The following RCSD1 variants were observed in gnomAD, a reference collection of about 807,000 sequenced individuals.
RCSD1 encodes the protein capZ-interacting protein.
In RCSD1, 26 loss-of-function variants were observed where a neutral mutation model predicts 42.5. The ratio of observed to expected loss-of-function variants is 0.61; its 90% confidence interval spans 0.45 to 0.85. The LOEUF (loss-of-function observed/expected upper bound fraction) is 0.85. Ranked by LOEUF, RCSD1 falls within the 40% of genes least tolerant of loss-of-function variation. The pLI, the probability that RCSD1 is intolerant of heterozygous loss-of-function variation, is 0.00. For missense variants in RCSD1, 571 were observed against 528.3 expected, an observed-to-expected ratio of 1.08 and a Z score of -0.79; for synonymous variants, 220 against 212.2, an observed-to-expected ratio of 1.04 and a Z score of -0.32.
Position 167,697,779 on chromosome 1 carries a change from C to G in RCSD1, c.1155C>G (p.Thr385=). The G allele has an allele frequency of 2.0e-6, 3 of 1,493,232 alleles. No individual in the cohort carries two copies. Among genetic ancestry groups the G allele is most frequent in the Non-Finnish European group, 1.8e-6 (2 of 1,123,876 alleles). The allele number at this position is 1,493,232 out of a possible 1,614,324, so 92.5% of individuals were successfully genotyped here. A position where few individuals can be genotyped will look rare whatever the true frequency, so the allele number is the denominator to read the frequency against. Residue 385 remains threonine (T), a synonymous_variant, in exon 6 of 7, where the codon ACC becomes ACG. Coordinates refer to ENST00000367854, the MANE Select transcript of RCSD1 (RefSeq NM_052862.4). ...TCGAGCCAGGCTGCAGCCCCCAGAC[C>G]GGCCCTGCCCAGCTGGAGACCAGCA... is the stretch of plus-strand genomic sequence containing the variant. ...AVLEPGCSPQ[T]GPAQLETSSE...
intron 1 of RCSD1, 24 bp from the exon 2 acceptor site, chr1:167,683,876 T>G (rs369822217): frequency 6.2e-7 from 1 of 1,609,706 alleles, no homozygotes; most frequent in African/African-American, 1.3e-5. Context: ...GCTGATTAAC[T>G]GTTTCTTCTT....
In RCSD1 at chr1:167,700,499, A is replaced by T. The variant is rs577632294; in HGVS notation, c.1218+2657A>T. 4.6e-5 allele frequency among the ~76,000 whole-genome samples: 7 copies of T among 152,002 alleles called. No individual in the cohort carries two copies. The East Asian group carries it at 1.4e-3, about 29-fold the overall frequency. ...CCGTCTCTACTAAAAATACAAAAAA[A>T]AATTAGCCAGGCGTGGTTGTGGGCG... On this transcript the variant is annotated intron_variant, in intron 6 of 6. Transcript: ENST00000367854.
intron 1 of RCSD1, among the ~76,000 whole-genome samples, chr1:167,635,054 C>A (rs551581651): frequency 6.6e-6 from 1 of 152,198 alleles, no homozygotes; most frequent in South Asian, 2.1e-4. Flanking sequence ...TTTTCTACCA[C>A]ATTTTTTAAA....
chr1:167,681,386 CTGATGG>C (rs1284173441), intron 1 of RCSD1, among the ~76,000 whole-genome samples: 2 of 152,160 alleles, frequency 1.3e-5, no homozygotes, highest in African/African-American at 4.8e-5. Context: ...TGGAGAGGGG[CTGATGG>C]TGACAGGATC....
chr1:167,706,553 G>A lies in RCSD1; in HGVS notation c.*1857G>A, dbSNP rs1423719212. Among the ~76,000 whole-genome samples the A allele has an allele frequency of 6.6e-6, 1 of 152,056 alleles. No individual in the cohort carries two copies. The highest frequency in any genetic ancestry group is 1.5e-5 in the Non-Finnish European group (1 of 68,022). ...ATGAAACTGCATTTTTCTTCTGGAG[G>A]GTCTAAACATAGTAGCAGACGAGAG... On this transcript the variant is annotated 3_prime_UTR_variant, in exon 7 of 7. Transcript: ENST00000367854.
chr1:167,648,020 C>T (rs766795283), intron 1 of RCSD1, among the ~76,000 whole-genome samples: 2 of 151,742 alleles, frequency 1.3e-5, no homozygotes, highest in African/African-American at 2.4e-5. Context: ...ATAACTACTT[C>T]GAATTTTCCA....
chr1:167,654,755 C>A (rs966599370), intron 1 of RCSD1, among the ~76,000 whole-genome samples: 15 of 152,094 alleles, frequency 9.9e-5, no homozygotes, highest in African/African-American at 3.4e-4. Context: ...AGTTAGGTAA[C>A]CATAATCTCT....
At chr1:167,671,395 C>T (rs1195241593) in intron 1 of RCSD1, among the ~76,000 whole-genome samples, 2 of 152,190 alleles carry the variant, frequency 1.3e-5, no homozygotes, top group Non-Finnish European at 2.9e-5. Flanking sequence ...TTCAGCCATC[C>T]CATTGCCAGA....
At chr1:167,686,356 A>G (rs1659236805) in intron 3 of RCSD1, among the ~76,000 whole-genome samples, 1 of 152,168 alleles carries the variant, frequency 6.6e-6, no homozygotes, top group Non-Finnish European at 1.5e-5. Flanking sequence ...CATCCTGACA[A>G]TAGCCATTAG....
chr1:167,636,872 G>A (rs114493422), intron 1 of RCSD1, among the ~76,000 whole-genome samples: 4,361 of 152,198 alleles, frequency 0.029, 80 homozygotes, highest in Non-Finnish European at 0.037. Context: ...AGGCCACCAC[G>A]CCTGGCCCAT....
At chr1:167,648,954 G>A (rs1342182206) in intron 1 of RCSD1, among the ~76,000 whole-genome samples, 8 of 152,186 alleles carry the variant, frequency 5.3e-5, no homozygotes, top group African/African-American at 1.9e-4. Flanking sequence ...GACACAAAAG[G>A]TAATAAAACT....
In RCSD1 at chr1:167,708,674, A is replaced by G. The variant is rs1002884877; in HGVS notation, c.*3978A>G. On this transcript the variant is annotated 3_prime_UTR_variant, in exon 7 of 7. Coordinates refer to ENST00000367854, the MANE Select transcript of RCSD1 (RefSeq NM_052862.4). Reference sequence around the variant, plus strand: ...GTGCCTCAGACATAGTAGGTATTCAATAAATATTTGTTAAATCATGAATGA... The same window carrying G: ...GTGCCTCAGACATAGTAGGTATTCAGTAAATATTTGTTAAATCATGAATGA... 2.0e-5 allele frequency among the ~76,000 whole-genome samples: 3 copies of G among 152,234 alleles called. No individual in the cohort carries two copies. Among genetic ancestry groups the G allele is most frequent in the African/African-American group, 7.2e-5 (3 of 41,450 alleles).
At chr1:167,666,191 C>A (rs1658652690) in intron 1 of RCSD1, among the ~76,000 whole-genome samples, 2 of 152,138 alleles carry the variant, frequency 1.3e-5, no homozygotes, top group Non-Finnish European at 2.9e-5. Flanking sequence ...TGGTTGGGAG[C>A]ACAGGCTTTA....
At position 167,697,538 on chromosome 1, in the gene RCSD1, C is replaced by G. The variant is rs1659531158; in HGVS notation, c.914C>G (p.Ala305Gly). 6.2e-7 allele frequency: 1 copy of G among 1,606,102 alleles called. No individual in the cohort carries two copies. Among genetic ancestry groups the G allele is most frequent in the Non-Finnish European group, 8.5e-7 (1 of 1,176,396 alleles). Reference sequence around the variant, plus strand: ...GGGAGCCCCAGGGAGGAAAAGCCAGCTGGAGAGGAAGCAGAGATGGAAAAG... The same window carrying G: ...GGGAGCCCCAGGGAGGAAAAGCCAGGTGGAGAGGAAGCAGAGATGGAAAAG... Reference protein sequence around the residue: ...RCGSPREEKPAGEEAEMEKAT... With the variant: ...RCGSPREEKPGGEEAEMEKAT... Residue 305 changes from alanine to glycine, a missense_variant, in exon 6 of 7, where the codon GCT becomes GGT. Coordinates refer to ENST00000367854, the MANE Select transcript of RCSD1 (RefSeq NM_052862.4).
In RCSD1 at chr1:167,702,693, C is replaced by T. The variant is rs189249268; in HGVS notation, c.1219-1971C>T. ...ATGCAGGAGGCTGAGGCAGGAGAAT[C>T]GCTTGAACCCAGGAGGTGGAGGTTG... On this transcript the variant is annotated intron_variant, in intron 6 of 6. Transcript: ENST00000367854. 1.1e-3 allele frequency among the ~76,000 whole-genome samples: 161 copies of T among 152,264 alleles called. 1 individual carries two copies. The Middle Eastern group carries it at 0.014, about 13-fold the overall frequency.
rs1553252220 is a variant in RCSD1, at chr1:167,701,319, T to TCTTTCTTTC, written c.1219-3345_1219-3344insCTTTCTTTC. Among the ~76,000 whole-genome samples the TCTTTCTTTC allele has an allele frequency of 4.3e-4, 59 of 136,776 alleles. No homozygotes were observed. The Middle Eastern group carries it at 0.011, about 25-fold the overall frequency. 89.7% of individuals were successfully genotyped at this position (136,776 alleles called of 152,430 possible). A position where few individuals can be genotyped will look rare whatever the true frequency, so the allele number is the denominator to read the frequency against. On this transcript the variant is annotated intron_variant, in intron 6 of 6. Coordinates refer to ENST00000367854, the MANE Select transcript of RCSD1 (RefSeq NM_052862.4). ...TTCTTTCTTTCTTTCTTTCTTTCTT[T>TCTTTCTTTC]TTTTTAGATGGAGTGTTGCTCTGTC...
At chr1:167,630,646 G>C (rs1188806418) in intron 1 of RCSD1, 5 of 262,862 alleles carry the variant, frequency 1.9e-5, no homozygotes, top group Middle Eastern at 8.7e-4. Context: ...GGCTGGGGTT[G>C]GTAAGGAAAG....
At chr1:167,678,315 C>T (rs1004402241) in intron 1 of RCSD1, among the ~76,000 whole-genome samples, 5 of 152,180 alleles carry the variant, frequency 3.3e-5, no homozygotes, top group African/African-American at 1.2e-4. Flanking sequence ...ATTGCATCTC[C>T]ACTTAGACGT....
chr1:167,631,746 A>G (rs1207961035), intron 1 of RCSD1, among the ~76,000 whole-genome samples: 4 of 152,174 alleles, frequency 2.6e-5, no homozygotes, highest in Non-Finnish European at 5.9e-5. Context: ...TTGGCCTCCC[A>G]AAGTGCTGGA....
Sources: allele counts gnomAD v4.1 joint callset (sites outside exome capture counted in the v4.1 genomes callset), GRCh38; gene constraint gnomAD v4.1.1; transcripts MANE v1.5; gene names NCBI Gene and HGNC (gene_info 2026-07-23, HGNC 2026-07-21).